The following ACCS variants were observed in gnomAD, a reference collection of about 807,000 sequenced individuals.
ACCS encodes the protein 1-aminocyclopropane-1-carboxylate synthase-like protein 1.
A neutral mutation model predicts 59.8 loss-of-function variants in ACCS; 42 were observed. The observed-to-expected ratio is 0.70, with a 90% CI of 0.55 to 0.91. ACCS has a LOEUF of 0.91. ACCS is among the 40% of genes least tolerant of loss of function. The probability of loss-of-function intolerance (pLI) is 0.00; values close to 1 mark genes in which losing one functional copy is unlikely to be tolerated. For synonymous variants in ACCS, 230 were observed against 240.3 expected, an observed-to-expected ratio of 0.96 and a Z score of 0.40; for missense variants, 602 against 630.4, an observed-to-expected ratio of 0.95 and a Z score of 0.48.
intron 3 of ACCS, chr11:44,072,447 C>CAT (rs1358132488): frequency 6.6e-6 from 1 of 152,110 alleles, no homozygotes; most frequent in Admixed American, 6.6e-5. Context: ...TGAGCCACTG[C>CAT]ACCCGGCCAG....
intron 10 of ACCS, among the ~76,000 whole-genome samples, chr11:44,080,057 G>C (rs1225971623): frequency 1.3e-5 from 2 of 152,184 alleles, no homozygotes; most frequent in Non-Finnish European, 2.9e-5. Flanking sequence ...TGTAAGCAAA[G>C]CATTTGTGGC....
chr11:44,078,174 C>A (rs890821583), intron 8 of ACCS: 163 of 505,858 alleles, frequency 3.2e-4, no homozygotes, highest in African/African-American at 3.0e-3. Context: ...CTAAAGATAC[C>A]CCCATCCCTG....
Position 44,077,871 on chromosome 11 carries a change from C to G in ACCS, c.681C>G (p.Phe227Leu), listed in dbSNP as rs1413140799. The G allele has an allele frequency of 6.2e-7, 1 of 1,614,060 alleles. No individual in the cohort carries two copies. Among genetic ancestry groups the G allele is most frequent in the South Asian group, 1.1e-5 (1 of 91,042 alleles). Residue 227 changes from phenylalanine (F) to leucine (L), a missense_variant, in exon 8 of 15, where the codon TTC (phenylalanine) becomes TTG (leucine). Transcript: ENST00000263776. ...TCACTGGGCTAGACACACGCCCCTT[C>G]CAGCTCACAGTGGAGAAGCTGGAGA... is the stretch of plus-strand genomic sequence containing the variant. ...SEVTGLDTRP[F>L]QLTVEKLEMA...
Position 44,077,410 on chromosome 11 carries a change from C to G in ACCS, c.654+34C>G, listed in dbSNP as rs776398054. On this transcript the variant is annotated intron_variant, in intron 7 of 14. Coordinates refer to ENST00000263776, the MANE Select transcript of ACCS (RefSeq NM_032592.4). ...CTTGACTTCCTAGGTGGAACCTGGG[C>G]CTGCCTGTGGTCAAGAGTTTCCTGG... 3 of 1,612,134 alleles carry G rather than the reference C, an allele frequency of 1.9e-6. No homozygotes were observed. The African/African-American group carries it at 4.0e-5, about 22-fold the overall frequency.
At chr11:44,074,311 A>G (rs1200597037) in intron 4 of ACCS, among the ~76,000 whole-genome samples, 1 of 152,176 alleles carries the variant, frequency 6.6e-6, no homozygotes, top group Non-Finnish European at 1.5e-5. Flanking sequence ...AATGGTGCCA[A>G]TAGTTGTTGT....
intron 6 of ACCS, among the ~76,000 whole-genome samples, chr11:44,076,503 G>A (rs1953367344): frequency 6.6e-6 from 1 of 152,212 alleles, no homozygotes; most frequent in Non-Finnish European, 1.5e-5. Flanking sequence ...ATGAAAGAGA[G>A]ATTCATTGTA....
rs746288745 is a variant in ACCS, at chr11:44,081,206, G to C, written c.997G>C (p.Gly333Arg). ...CTTCGGGATGTCTGGGCTCCGCTTT[G>C]GCACGCTGTACACAGAAAACCAGGA... ...KDFGMSGLRF[G>R]TLYTENQDVA... The change falls in exon 12 of 15, where the codon GGC becomes CGC. Residue 333 changes from glycine (G) to arginine (R), a missense_variant. Physicochemically the swap from Gly to Arg is moderately radical, Grantham distance 125 (BLOSUM62 -2). Transcript: ENST00000263776. 4.5e-5 allele frequency: 72 copies of C among 1,614,242 alleles called. No homozygotes were observed. The Middle Eastern group carries it at 4.9e-4, about 11-fold the overall frequency.
In ACCS at chr11:44,066,614, CG is replaced by C. The variant is rs1952806539; in HGVS notation, c.-87del. 1 of 152,368 alleles carries C rather than the reference CG, an allele frequency of 6.6e-6. No homozygotes were observed. Among genetic ancestry groups the C allele is most frequent in the Admixed American group, 6.5e-5 (1 of 15,292 alleles). 9.4% of individuals were successfully genotyped at this position (152,368 alleles called of 1,614,324 possible). ...GGACGCCTGGAGGCTCGAACCCCGCCGCCCCCCTACCCCAGGCTTTACTCCC... is the reference window on the plus strand; with the variant it reads ...GGACGCCTGGAGGCTCGAACCCCGCCCCCCCCTACCCCAGGCTTTACTCCC... On this transcript the variant is annotated 5_prime_UTR_variant, in exon 1 of 15. Transcript: ENST00000263776.
Position 44,067,842 on chromosome 11 carries a change from G to A in ACCS, c.215G>A (p.Trp72Ter). ...YLSSRGRMIK[W>*]FWDSAEEGYR... ...TCCTCTAGAGGAAGAATGATTAAATGGTTCTGGGATTCAGCTGAGGAGGGC... is the reference window on the plus strand; with the variant it reads ...TCCTCTAGAGGAAGAATGATTAAATAGTTCTGGGATTCAGCTGAGGAGGGC... The change falls in exon 2 of 15, where the codon TGG becomes TAG. Residue 72 changes from tryptophan to a stop codon, truncating the protein, a stop_gained. Transcript: ENST00000263776. LOFTEE classifies it high-confidence loss of function. 1 of 1,614,126 alleles carries A rather than the reference G, an allele frequency of 6.2e-7. No homozygotes were observed. The highest frequency in any genetic ancestry group is 1.1e-5 in the South Asian group (1 of 91,080).
intron 12 of ACCS, among the ~76,000 whole-genome samples, chr11:44,082,673 A>G (rs1953693359): frequency 1.3e-5 from 2 of 152,176 alleles, no homozygotes; most frequent in South Asian, 4.1e-4. Context: ...GGAACTGTTC[A>G]GCATCCTGAC....
intron 2 of ACCS, 131 bp downstream of exon 2, chr11:44,068,046 G>C (rs907882979): frequency 1.1e-5 from 11 of 1,020,714 alleles, no homozygotes; most frequent in Middle Eastern, 3.2e-4. Context: ...CTCCAAGAGG[G>C]CTTCTGATGT....
At chr11:44,080,985 G>T (rs1953611677) in intron 10 of ACCS, 35 bp from the exon 11 acceptor site, 1 of 1,613,712 alleles carries the variant, frequency 6.2e-7, no homozygotes, top group Non-Finnish European at 8.5e-7. Context: ...CCATAGTTCT[G>T]TGTTGCCTCT....
chr11:44,071,234 C>T (rs769773390), intron 2 of ACCS, 22 bp from the exon 3 acceptor site: 4 of 1,614,054 alleles, frequency 2.5e-6, no homozygotes, highest in South Asian at 2.2e-5. Context: ...GCTAACTCTG[C>T]CTCTGTACCT....
At chr11:44,074,939 C>T (rs905845232) in intron 5 of ACCS, among the ~76,000 whole-genome samples, 2 of 151,224 alleles carry the variant, frequency 1.3e-5, no homozygotes, top group Admixed American at 1.3e-4. Context: ...ATTCTCTTGC[C>T]TCAGCCTCCC....
At chr11:44,075,117 C>G (rs912278012) in intron 5 of ACCS, among the ~76,000 whole-genome samples, 3 of 152,168 alleles carry the variant, frequency 2.0e-5, no homozygotes, top group Admixed American at 6.5e-5. Context: ...AGCCACTGAG[C>G]CTGGCCTCCA....
At chr11:44,069,630 G>C (rs937533984) in intron 2 of ACCS, among the ~76,000 whole-genome samples, 6 of 152,188 alleles carry the variant, frequency 3.9e-5, no homozygotes, top group African/African-American at 1.4e-4. Flanking sequence ...CAAGGGATTG[G>C]GTGGGAGGCT....
At chr11:44,077,428 T>A in intron 7 of ACCS, 52 bp downstream of exon 7, 1 of 1,609,626 alleles carries the variant, frequency 6.2e-7, no homozygotes, top group Non-Finnish European at 8.5e-7. Context: ...TGGTCAAGAG[T>A]TTCCTGGGTC....
intron 8 of ACCS, 93 bp downstream of exon 8, chr11:44,078,015 A>C (rs1953460800): frequency 6.9e-7 from 1 of 1,454,538 alleles, no homozygotes; most frequent in East Asian, 2.4e-5. Flanking sequence ...TCCCGGGAGT[A>C]GGGTTGATAC....
At chr11:44,074,522 C>A in intron 4 of ACCS, 90 bp from the exon 5 acceptor site, 2 of 975,218 alleles carry the variant, frequency 2.1e-6, no homozygotes, top group Non-Finnish European at 3.3e-6. Context: ...AGAGTGATGG[C>A]AGCTGCCTGA....
Sources: allele counts gnomAD v4.1 joint callset (sites outside exome capture counted in the v4.1 genomes callset), GRCh38; gene constraint gnomAD v4.1.1; transcripts MANE v1.5; gene names NCBI Gene and HGNC (gene_info 2026-07-23, HGNC 2026-07-21).